Variants in GGT7 observed in about 807,000 individuals in gnomAD.
GGT7 encodes the protein gamma-glutamyltransferase 7, also known as glutathione hydrolase 7.
In GGT7, 30 loss-of-function variants were observed where a neutral mutation model predicts 69.2. The observed-to-expected ratio is 0.43, with a 90% CI of 0.32 to 0.59. GGT7 has a LOEUF of 0.59. Among genes scored for constraint, GGT7 ranks in the 20% least tolerant of loss-of-function variants. The pLI is 0.05. For missense variants in GGT7, 733 were observed against 901.1 expected (o/e 0.81, Z 2.39); for synonymous variants, 388 against 391.8 (o/e 0.99, Z 0.12).
chr20:34,861,234 A>T, intron 4 of GGT7: 1 of 382,798 alleles, frequency 2.6e-6, no homozygotes, highest in Non-Finnish European at 4.6e-6. Flanking sequence ...CACGTGCCAG[A>T]TAGGTAAGAT....
intron 14 of GGT7, among the ~76,000 whole-genome samples, chr20:34,848,116 G>A (rs6060078): frequency 6.6e-6 from 1 of 152,224 alleles, no homozygotes; most frequent in East Asian, 1.9e-4. Context: ...AATACATTTA[G>A]GCTAAAAAGG....
chr20:34,872,570 A>G, intron 1 of GGT7, 77 bp downstream of exon 1: 2 of 956,990 alleles, frequency 2.1e-6, no homozygotes, highest in Non-Finnish European at 2.9e-6. Context: ...ATGGAGCTGG[A>G]GGTGGATGCT....
Position 34,862,956 on chromosome 20 carries a change from G to T in GGT7, c.415C>A (p.Gln139Lys). ...GCAGCATCGGTCACCACGGCACCCT[G>T]CTGGAAGATCTGGGAGGGGAAAGAG... ...IYFGDPQIFQ[Q>K]GAVVTDAARC... The change falls in exon 3 of 15, where the codon CAG becomes AAG. Residue 139 changes from glutamine (Q) to lysine (K), a missense_variant. Coordinates refer to ENST00000336431, the MANE Select transcript of GGT7 (RefSeq NM_178026.3). 1.2e-6 allele frequency: 2 copies of T among 1,612,760 alleles called. No homozygotes were observed. Among genetic ancestry groups the T allele is most frequent in the Non-Finnish European group, 8.5e-7 (1 of 1,179,452 alleles).
chr20:34,850,230 C>T, intron 13 of GGT7, 170 bp from the exon 14 acceptor site: 1 of 765,292 alleles, frequency 1.3e-6, no homozygotes, highest in South Asian at 1.4e-5. Flanking sequence ...ATGACTGTTT[C>T]CATTTCACAG....
Position 34,850,065 on chromosome 20 carries a change from G to A in GGT7, c.1726-5C>T, listed in dbSNP as rs1568928756. ...GGTCAGGACATTCAGCAGAACCTGT[G>A]GTAGCCAAGGTACAGAAAAATCAGG... On this transcript the variant is annotated splice_polypyrimidine_tract_variant and splice_region_variant and intron_variant, in intron 13 of 14. Coordinates refer to ENST00000336431, the MANE Select transcript of GGT7 (RefSeq NM_178026.3). 6.2e-7 allele frequency: 1 copy of A among 1,600,928 alleles called. No homozygotes were observed. The highest frequency in any genetic ancestry group is 1.1e-5 in the South Asian group (1 of 90,774).
chr20:34,859,311 T>C, intron 7 of GGT7, 132 bp downstream of exon 7: 2 of 610,916 alleles, frequency 3.3e-6, no homozygotes, highest in Non-Finnish European at 5.3e-6. Context: ...GAATTTCAAA[T>C]GAACATAATC....
intron 7 of GGT7, among the ~76,000 whole-genome samples, chr20:34,857,786 T>C (rs532789249): frequency 5.3e-5 from 8 of 152,078 alleles, no homozygotes; most frequent in African/African-American, 1.9e-4. Context: ...ACCTGGCTAA[T>C]GTTTGTATGT....
intron 7 of GGT7, among the ~76,000 whole-genome samples, chr20:34,857,615 ATTTT>A (rs5841184): frequency 0.066 from 7,847 of 118,022 alleles, 160 homozygotes; most frequent in East Asian, 0.082. Context: ...TTACACATTG[ATTTT>A]TTTTTTTTTT....
chr20:34,846,120 G>GA (rs1291777294), intron 14 of GGT7, among the ~76,000 whole-genome samples: 1 of 151,606 alleles, frequency 6.6e-6, no homozygotes, highest in East Asian at 1.9e-4. Context: ...GAGGGAGGCA[G>GA]AAAAAAGAAA....
At chr20:34,850,927 G>A (rs1366148093) in intron 13 of GGT7, 8 of 659,816 alleles carry the variant, frequency 1.2e-5, no homozygotes, top group South Asian at 1.0e-4. Flanking sequence ...GCTGGGTAGA[G>A]GTATAATGGG....
In GGT7 at chr20:34,854,574, C is replaced by A; in HGVS notation, c.1276G>T (p.Val426Phe). 2 of 1,613,246 alleles carry A rather than the reference C, an allele frequency of 1.2e-6. No individual in the cohort carries two copies. Among genetic ancestry groups the A allele is most frequent in the Non-Finnish European group, 1.7e-6 (2 of 1,179,280 alleles). ...LALASRLGDP[V>F]YDSTITESMD... The stretch of plus-strand genomic sequence containing the variant: ...CTCTCAGTGATGGTAGAATCATAGA[C>A]GGGATCTCCCAGTCTGCTGGCCAGG... The change falls in exon 10 of 15, where the codon GTC (valine) becomes TTC (phenylalanine). Residue 426 changes from valine (V) to phenylalanine (F), a missense_variant. Transcript: ENST00000336431.
At chr20:34,854,219 G>A (rs2079448059) in intron 10 of GGT7, among the ~76,000 whole-genome samples, 1 of 152,196 alleles carries the variant, frequency 6.6e-6, no homozygotes. Flanking sequence ...TTACAGGCGT[G>A]AGCCACCGTG....
intron 10 of GGT7, 51 bp from the exon 11 acceptor site, chr20:34,852,589 C>T (rs769963878): frequency 6.7e-7 from 1 of 1,498,664 alleles, no homozygotes; most frequent in Middle Eastern, 2.4e-4. Flanking sequence ...CTCAATACAC[C>T]CCACCTACCT....
intron 13 of GGT7, chr20:34,850,907 C>G (rs1310384347): frequency 1.6e-6 from 1 of 633,212 alleles, no homozygotes; most frequent in African/African-American, 1.8e-5. Context: ...GGCTGGTTGT[C>G]TATTCAGATG....
intron 14 of GGT7, among the ~76,000 whole-genome samples, chr20:34,846,809 T>C (rs1333724685): frequency 6.6e-6 from 1 of 152,102 alleles, no homozygotes; most frequent in Non-Finnish European, 1.5e-5. Context: ...CTCCCCTCAT[T>C]TCCTTCTATT....
At chr20:34,852,003 C>A in intron 12 of GGT7, 152 bp downstream of exon 12, 1 of 649,008 alleles carries the variant, frequency 1.5e-6, no homozygotes, top group South Asian at 1.8e-5. Context: ...ATGTCCCAGA[C>A]TTAGCAGGGC....
At position 34,851,008 on chromosome 20, in the gene GGT7, C is replaced by T. The variant is rs927592313; in HGVS notation, c.1725+223G>A. On this transcript the variant is annotated intron_variant, in intron 13 of 14. Coordinates refer to ENST00000336431, the MANE Select transcript of GGT7 (RefSeq NM_178026.3). ...TTTCAATCTACTGACCCTGCCATTT[C>T]CCCTGCAACCGGGAAAGACAGGGAG... is the stretch of plus-strand genomic sequence containing the variant. The T allele has an allele frequency of 3.4e-5, 23 of 673,738 alleles. No homozygotes were observed. The African/African-American group carries it at 3.6e-4, about 10-fold the overall frequency. The allele number at this position is 673,738 out of a possible 1,614,324, so 41.7% of individuals were successfully genotyped here. A position where few individuals can be genotyped will look rare whatever the true frequency, so the allele number is the denominator to read the frequency against.
intron 14 of GGT7, among the ~76,000 whole-genome samples, chr20:34,848,973 G>A (rs8120670): frequency 0.031 from 4,640 of 152,070 alleles, 255 homozygotes; most frequent in African/African-American, 0.11. Context: ...AGGAAAGTCC[G>A]TCTCCTCACC....
At chr20:34,870,618 C>G (rs1028380316) in intron 1 of GGT7, among the ~76,000 whole-genome samples, 1 of 151,602 alleles carries the variant, frequency 6.6e-6, no homozygotes, top group Non-Finnish European at 1.5e-5. Context: ...ACACCTGCCA[C>G]CAGGCCTGGC....
Sources: allele counts gnomAD v4.1 joint callset (sites outside exome capture counted in the v4.1 genomes callset), GRCh38; gene constraint gnomAD v4.1.1; transcripts MANE v1.5; gene names NCBI Gene and HGNC (gene_info 2026-07-23, HGNC 2026-07-21).